ZBTB10: variants seen among roughly 807,000 people sequenced by gnomAD.
The protein encoded by ZBTB10 is zinc finger and BTB domain containing 10, also known as zinc finger and BTB domain-containing protein 10.
ZBTB10 carries 32 observed loss-of-function variants against 76.4 expected under a neutral mutation model. The ratio of observed to expected loss-of-function variants is 0.42; its 90% CI spans 0.32 to 0.56. ZBTB10 has a LOEUF of 0.56. ZBTB10 is among the 20% of genes least tolerant of loss of function. The probability of loss-of-function intolerance (pLI) is 0.14; values close to 1 mark genes in which losing one functional copy is unlikely to be tolerated. For missense variants in ZBTB10, 1,057 were observed against 1,098.5 expected, an observed-to-expected ratio of 0.96 and a Z score of 0.53; for synonymous variants, 523 against 432.9, an observed-to-expected ratio of 1.21 and a Z score of -2.58.
chr8:80,510,496 A>G (rs1194471700), intron 2 of ZBTB10, among the ~76,000 whole-genome samples: 1 of 152,214 alleles, frequency 6.6e-6, no homozygotes, highest in Non-Finnish European at 1.5e-5. Flanking sequence ...AGGGGTTGCT[A>G]CTATCTGTTC....
chr8:80,504,353 T>G (rs1815998498), intron 2 of ZBTB10, among the ~76,000 whole-genome samples: 2 of 152,226 alleles, frequency 1.3e-5, no homozygotes, highest in Non-Finnish European at 2.9e-5. Flanking sequence ...TTCTAGTTAC[T>G]GTGTCTTCCC....
chr8:80,501,242 G>C (rs765666740), intron 2 of ZBTB10, among the ~76,000 whole-genome samples: 57 of 152,138 alleles, frequency 3.7e-4, no homozygotes, highest in Non-Finnish European at 6.8e-4. Flanking sequence ...ATTCACCTTT[G>C]CATTCATTGC....
intron 2 of ZBTB10, 130 bp from the exon 3 acceptor site, chr8:80,513,780 G>T: frequency 1.4e-6 from 1 of 710,966 alleles, no homozygotes; most frequent in Admixed American, 2.2e-5. Flanking sequence ...TTGTAGTATT[G>T]AACACAGTAG....
rs1416664652 is a variant in ZBTB10, at chr8:80,487,060, G to A, written c.250G>A (p.Ala84Thr). The A allele has an allele frequency of 6.3e-5, 95 of 1,514,904 alleles. No individual in the cohort carries two copies. The highest frequency in any genetic ancestry group is 8.0e-5 in the Non-Finnish European group (91 of 1,138,760). 93.8% of individuals were successfully genotyped at this position (1,514,904 alleles called of 1,614,324 possible). A position where few individuals can be genotyped will look rare whatever the true frequency, so the allele number is the denominator to read the frequency against. The change falls in exon 1 of 6, where the codon GCC (alanine) becomes ACC (threonine). Residue 84 changes from alanine (A) to threonine (T), a missense_variant. By Grantham distance (58) the Ala-to-Thr change is moderately conservative. This residue lies in a region of ZBTB10 where 556 missense variants were observed against 451.7 expected (regional missense o/e 1.23). Coordinates refer to ENST00000455036, the MANE Select transcript of ZBTB10 (RefSeq NM_001105539.3). ...PQDLEASAGP[A>T]AGAAEEAKEL... ...AGACCTGGAGGCCTCCGCCGGGCCG[G>A]CCGCCGGCGCCGCCGAGGAAGCCAA...
chr8:80,524,057 G>A lies in ZBTB10; in HGVS notation c.*4529G>A, dbSNP rs1431363722. 1 of 151,940 alleles carries A rather than the reference G, an allele frequency of 6.6e-6. No homozygotes were observed. The highest frequency in any genetic ancestry group is 1.5e-5 in the Non-Finnish European group (1 of 67,900). 9.4% of individuals were successfully genotyped at this position (151,940 alleles called of 1,614,324 possible). A position where few individuals can be genotyped will look rare whatever the true frequency, so the allele number is the denominator to read the frequency against. ...AATATAAACTTGTGAGCACTAAACT[G>A]CTTCTGGCTTTGTGAATTTTATTGA... On this transcript the variant is annotated 3_prime_UTR_variant, in exon 6 of 6. Coordinates refer to ENST00000455036, the MANE Select transcript of ZBTB10 (RefSeq NM_001105539.3).
Position 80,499,749 on chromosome 8 carries a change from G to C in ZBTB10, c.1228G>C (p.Asp410His). The change falls in exon 2 of 6, where the codon GAT (aspartate) becomes CAT (histidine). Residue 410 changes from aspartate (D) to histidine (H), a missense_variant. By Grantham distance (81) the Asp-to-His change is moderately conservative. Coordinates refer to ENST00000455036, the MANE Select transcript of ZBTB10 (RefSeq NM_001105539.3). ...SPNQNNTTHL[D>H]IAAVQGFSVI... ...TAACCAAAACAATACTACCCACTTA[G>C]ATATTGCTGCAGTTCAAGGTTTTTC... The C allele has an allele frequency of 6.2e-7, 1 of 1,613,920 alleles. No homozygotes were observed. The highest frequency in any genetic ancestry group is 8.5e-7 in the Non-Finnish European group (1 of 1,179,878).
Position 80,521,570 on chromosome 8 carries a change from C to T in ZBTB10, c.*2042C>T, listed in dbSNP as rs1163964916. 2.0e-5 allele frequency: 3 copies of T among 151,596 alleles called. No individual in the cohort carries two copies. Among genetic ancestry groups the T allele is most frequent in the Non-Finnish European group, 3.0e-5 (2 of 67,714 alleles). The allele number at this position is 151,596 out of a possible 1,614,324, so 9.4% of individuals were successfully genotyped here. On this transcript the variant is annotated 3_prime_UTR_variant, in exon 6 of 6. Coordinates refer to ENST00000455036, the MANE Select transcript of ZBTB10 (RefSeq NM_001105539.3). ...TATATCTAAAAATCACCTAAATCTG[C>T]TTTATTAGACTACAGTTCACTTATT...
chr8:80,521,872 ATTACT>A lies in ZBTB10; in HGVS notation c.*2348_*2352del, dbSNP rs1816456114. ...AATTTAAAATATTCTATAATTGTCC[ATTACT>A]TTATGTTGTGTTGTGACAGATTTGG... On this transcript the variant is annotated 3_prime_UTR_variant, in exon 6 of 6. Coordinates refer to ENST00000455036, the MANE Select transcript of ZBTB10 (RefSeq NM_001105539.3). 1 of 151,786 alleles carries A rather than the reference ATTACT, an allele frequency of 6.6e-6. No individual in the cohort carries two copies. Among genetic ancestry groups the A allele is most frequent in the South Asian group, 2.1e-4 (1 of 4,828 alleles). The allele number at this position is 151,786 out of a possible 1,614,324, so 9.4% of individuals were successfully genotyped here.
intron 2 of ZBTB10, among the ~76,000 whole-genome samples, chr8:80,510,749 TCTG>T (rs1798217944): frequency 6.6e-6 from 1 of 152,162 alleles, no homozygotes; most frequent in African/African-American, 2.4e-5. Context: ...AGAAAGGATT[TCTG>T]CTGTTTGCAA....
intron 1 of ZBTB10, among the ~76,000 whole-genome samples, chr8:80,491,476 G>A (rs902521086): frequency 6.6e-6 from 1 of 152,180 alleles, no homozygotes; most frequent in African/African-American, 2.4e-5. Context: ...AGTAAGAAAA[G>A]TATCTTTTTG....
At chr8:80,511,164 A>G (rs554215684) in intron 2 of ZBTB10, among the ~76,000 whole-genome samples, 1 of 152,358 alleles carries the variant, frequency 6.6e-6, no homozygotes, top group East Asian at 1.9e-4. Flanking sequence ...GGTGCCTTTC[A>G]AAAGAGACAC....
chr8:80,487,047 CTCCGCCGGGCCG>C lies in ZBTB10; in HGVS notation c.238_249del (p.Ser80_Pro83del), dbSNP rs1225257090. 4 of 1,517,372 alleles carry C rather than the reference CTCCGCCGGGCCG, an allele frequency of 2.6e-6. No homozygotes were observed. The highest frequency in any genetic ancestry group is 3.5e-6 in the Non-Finnish European group (4 of 1,139,544). The allele number at this position is 1,517,372 out of a possible 1,614,324, so 94.0% of individuals were successfully genotyped here. On this transcript the variant is annotated inframe_deletion, in exon 1 of 6. Coordinates refer to ENST00000455036, the MANE Select transcript of ZBTB10 (RefSeq NM_001105539.3). ...GCCTGGAGCCCCAAGACCTGGAGGC[CTCCGCCGGGCCG>C]GCCGCCGGCGCCGCCGAGGAAGCCA...
chr8:80,513,233 C>A (rs986128430), intron 2 of ZBTB10, among the ~76,000 whole-genome samples: 4 of 152,134 alleles, frequency 2.6e-5, no homozygotes, highest in Admixed American at 2.6e-4. Flanking sequence ...CCTCTGCCTC[C>A]CGGACTCAGG....
chr8:80,486,715 G>A lies in ZBTB10; in HGVS notation c.-96G>A. On this transcript the variant is annotated 5_prime_UTR_variant, in exon 1 of 6. Transcript: ENST00000455036. ...GCGAGACCGGAACGCCGGGGGCGGGGGCGAGACAGAGGGGGAGCCGCGGGG... is the reference window on the plus strand; with the variant it reads ...GCGAGACCGGAACGCCGGGGGCGGGAGCGAGACAGAGGGGGAGCCGCGGGG... 2 of 1,000,634 alleles carry A rather than the reference G, an allele frequency of 2.0e-6. No individual in the cohort carries two copies. The highest frequency in any genetic ancestry group is 9.0e-5 in the South Asian group (2 of 22,282). 62.0% of individuals were successfully genotyped at this position (1,000,634 alleles called of 1,614,324 possible). A position where few individuals can be genotyped will look rare whatever the true frequency, so the allele number is the denominator to read the frequency against.
rs1270945415 is a variant in ZBTB10 at position 80,526,094 on chromosome 8, T to C, written c.*6566T>C. ...TAAACCGTCTCCATAACAGAACACT[T>C]AGAATTATTAGCCATTTGCTGCAAA... On this transcript the variant is annotated 3_prime_UTR_variant, in exon 6 of 6. Coordinates refer to ENST00000455036, the MANE Select transcript of ZBTB10 (RefSeq NM_001105539.3). The C allele has an allele frequency of 6.6e-6, 1 of 152,132 alleles. No individual in the cohort carries two copies. The highest frequency in any genetic ancestry group is 1.5e-5 in the Non-Finnish European group (1 of 68,014). The allele number at this position is 152,132 out of a possible 1,614,324, so 9.4% of individuals were successfully genotyped here.
At chr8:80,519,019 G>A in intron 5 of ZBTB10, 65 bp downstream of exon 5, 1 of 1,483,776 alleles carries the variant, frequency 6.7e-7, no homozygotes, top group Non-Finnish European at 9.0e-7. Context: ...AAGTTTAAAG[G>A]GATTTAAACA....
chr8:80,486,733 C>T lies in ZBTB10; in HGVS notation c.-78C>T, dbSNP rs1439010991. The T allele has an allele frequency of 2.5e-5, 25 of 1,009,576 alleles. No homozygotes were observed. Among genetic ancestry groups the T allele is most frequent in the Non-Finnish European group, 2.7e-5 (23 of 846,764 alleles). The allele number at this position is 1,009,576 out of a possible 1,614,324, so 62.5% of individuals were successfully genotyped here. A position where few individuals can be genotyped will look rare whatever the true frequency, so the allele number is the denominator to read the frequency against. On this transcript the variant is annotated 5_prime_UTR_variant, in exon 1 of 6. Coordinates refer to ENST00000455036, the MANE Select transcript of ZBTB10 (RefSeq NM_001105539.3). ...GGGCGGGGGCGAGACAGAGGGGGAG[C>T]CGCGGGGAGCGCGCGGGACGCGGCC... is the stretch of plus-strand genomic sequence containing the variant.
rs1291558741 is a variant in ZBTB10, at chr8:80,487,565, C to T, written c.755C>T (p.Thr252Ile). 9 of 1,610,152 alleles carry T rather than the reference C, an allele frequency of 5.6e-6. No homozygotes were observed. The highest frequency in any genetic ancestry group is 2.7e-5 in the African/African-American group (2 of 74,882). ...CAGAAGCTCCAATGCTCCTTCCAGA[C>T]CTCCTGGCTCAAGGACTTTCCCTGG... The part of the protein sequence containing the change: ...LMQKLQCSFQ[T>I]SWLKDFPWLR... The change falls in exon 1 of 6, where the codon ACC becomes ATC. Residue 252 changes from threonine (T) to isoleucine (I), a missense_variant. This residue lies in a region of ZBTB10 where 556 missense variants were observed against 451.7 expected (regional missense o/e 1.23). Transcript: ENST00000455036.
Position 80,512,215 on chromosome 8 carries a change from C to T in ZBTB10, c.1862-1695C>T, listed in dbSNP as rs188673348. 4.1e-4 allele frequency among the ~76,000 whole-genome samples: 63 copies of T among 152,284 alleles called. 1 individual carries two copies. Among genetic ancestry groups the T allele is most frequent in the African/African-American group, 1.5e-3 (62 of 41,550 alleles). Reference sequence around the variant, plus strand: ...ACCTTACAGAGAAAAGAGAAGCCAACAGCCTGGTGGAATATCCTTAAGTTC... The same window carrying T: ...ACCTTACAGAGAAAAGAGAAGCCAATAGCCTGGTGGAATATCCTTAAGTTC... On this transcript the variant is annotated intron_variant, in intron 2 of 5. Coordinates refer to ENST00000455036, the MANE Select transcript of ZBTB10 (RefSeq NM_001105539.3).
Sources: gnomAD v4.1 joint callset for allele counts (sites outside exome capture counted in the v4.1 genomes callset) on GRCh38, gnomAD v4.1.1 for gene constraint, gnomAD v4.1.1 regional missense constraint, MANE v1.5 for transcripts, NCBI Gene and HGNC (gene_info 2026-07-23, HGNC 2026-07-21) for gene names.